The following UGT2B4 variants were observed in gnomAD, a reference collection of about 807,000 sequenced individuals.
UGT2B4 encodes UDP glucuronosyltransferase family 2 member B4.
A neutral mutation model predicts 49.8 loss-of-function variants in UGT2B4; 49 were observed. The ratio of observed to expected loss-of-function variants is 0.98; its 90% CI spans 0.78 to 1.25. UGT2B4 has a LOEUF of 1.25. Ranked by LOEUF, UGT2B4 falls within the 50% of genes most tolerant of loss-of-function variation. The probability of loss-of-function intolerance (pLI) is 0.00; values close to 1 mark genes in which losing one functional copy is unlikely to be tolerated. For synonymous variants in UGT2B4, 246 were observed against 217.7 expected (o/e 1.13, Z -1.14); for missense variants, 729 against 627.7 (o/e 1.16, Z -1.73).
At chr4:69,516,096 T>C (rs968844581) in intron 1 of UGT2B4, among the ~76,000 whole-genome samples, 2 of 152,198 alleles carry the variant, frequency 1.3e-5, no homozygotes, top group African/African-American at 4.8e-5. Context: ...AATGTGGTGT[T>C]TGGTTTTCTG....
At chr4:69,500,602 CAAGGAAGAAAGAAAGAAAGA>C (rs1278446883), upstream of UGT2B4, among the ~76,000 whole-genome samples, 33 of 47,296 alleles carry the variant, frequency 7.0e-4, no homozygotes, top group Non-Finnish European at 1.0e-3. Context: ...AGCAAGAAAG[CAAGGAAGAAAGAAAGAAAGA>C]AAGAAAGAAA....
rs540458100 is a variant in UGT2B4 at position 69,523,983 on chromosome 4, A to G, written c.-106+1704T>C. 2.0e-5 allele frequency among the ~76,000 whole-genome samples: 3 copies of G among 152,202 alleles called. No individual in the cohort carries two copies. In the East Asian group the frequency reaches 5.8e-4, roughly 30 times the overall value. On this transcript the variant is annotated intron_variant, in intron 1 of 1. Coordinates refer to the UGT2B4 transcript ENST00000510114. ...TGCTAGCTTCCAACTTTTTTTCTGC[A>G]GCTTCCTCAACATATTTCAGGCTTC... is the stretch of plus-strand genomic sequence containing the variant.
intron 1 of UGT2B4, among the ~76,000 whole-genome samples, chr4:69,509,330 G>A (rs752790315): frequency 4.0e-5 from 6 of 151,738 alleles, no homozygotes; most frequent in South Asian, 2.1e-4. Flanking sequence ...TGCCCCTACC[G>A]CCTGTCTAAT....
At chr4:69,498,229 C>A (rs2109817385), upstream of UGT2B4, among the ~76,000 whole-genome samples, 1 of 152,252 alleles carries the variant, frequency 6.6e-6, no homozygotes, top group South Asian at 2.1e-4. Context: ...AGCCTGGAAC[C>A]AAATCTGCAA....
intron 5 of UGT2B4, among the ~76,000 whole-genome samples, chr4:69,484,499 AC>A (rs201084033): frequency 0.01 from 1,590 of 152,318 alleles, 26 homozygotes; most frequent in African/African-American, 0.036. Flanking sequence ...CCATAAAAAA[AC>A]AACAAAAACT....
chr4:69,481,699 G>A (rs552609559), intron 5 of UGT2B4, among the ~76,000 whole-genome samples: 10 of 152,240 alleles, frequency 6.6e-5, no homozygotes, highest in South Asian at 2.1e-4. Context: ...TCCAGCAGGC[G>A]TATAAAATCA....
chr4:69,488,230 A>T (rs765761784), intron 3 of UGT2B4, among the ~76,000 whole-genome samples: 6 of 152,208 alleles, frequency 3.9e-5, no homozygotes, highest in Non-Finnish European at 7.3e-5. Context: ...ATAAAAATAC[A>T]ACTCTTGAAT....
At chr4:69,499,241 T>C (rs773798094), upstream of UGT2B4, among the ~76,000 whole-genome samples, 5 of 152,194 alleles carry the variant, frequency 3.3e-5, no homozygotes, top group Non-Finnish European at 5.9e-5. Context: ...CTTATTATGA[T>C]TTCAGTTATT....
upstream of UGT2B4, among the ~76,000 whole-genome samples, chr4:69,500,631 A>AAG (rs1577894351): frequency 7.3e-6 from 1 of 137,082 alleles, no homozygotes; most frequent in Non-Finnish European, 1.7e-5. Context: ...GAAAGAAAGA[A>AAG]AGAAAGAAAG....
chr4:69,516,056 C>T (rs1728724579), intron 1 of UGT2B4, among the ~76,000 whole-genome samples: 1 of 152,120 alleles, frequency 6.6e-6, no homozygotes, highest in African/African-American at 2.4e-5. Flanking sequence ...TGTGTCTTCT[C>T]ATCGTTCAGC....
At chr4:69,517,359 C>CTTAT (rs1302005280) in intron 1 of UGT2B4, among the ~76,000 whole-genome samples, 1 of 152,066 alleles carries the variant, frequency 6.6e-6, no homozygotes, top group African/African-American at 2.4e-5. Flanking sequence ...TGATGACCAT[C>CTTAT]TTATTTTAAT....
chr4:69,486,763 TAA>T, intron 3 of UGT2B4, 67 bp from the exon 4 acceptor site: 11 of 1,222,116 alleles, frequency 9.0e-6, no homozygotes, highest in Non-Finnish European at 1.3e-5. Flanking sequence ...GTTAGAAATC[TAA>T]AGAGATTAAC....
upstream of UGT2B4, among the ~76,000 whole-genome samples, chr4:69,498,080 A>C (rs1176324131): frequency 6.6e-6 from 1 of 152,230 alleles, no homozygotes; most frequent in Admixed American, 6.5e-5. Flanking sequence ...GTTTTTAATT[A>C]AGGTGTGTAC....
upstream of UGT2B4, chr4:69,496,099 C>A (rs1391952105): frequency 5.3e-6 from 2 of 376,658 alleles, no homozygotes; most frequent in Non-Finnish European, 8.7e-6. Flanking sequence ...GAGCTCACTG[C>A]AAGCTCCTCC....
chr4:69,493,090 A>T (rs1280965136), intron 2 of UGT2B4, among the ~76,000 whole-genome samples: 3 of 152,034 alleles, frequency 2.0e-5, no homozygotes, highest in Non-Finnish European at 4.4e-5. Context: ...TTCCTTGCAA[A>T]CTAAACTTTG....
chr4:69,483,512 T>C lies in UGT2B4; in HGVS notation c.1310+1696A>G, dbSNP rs1427628104. ...TAGATTTAATGGAAGTATCTGTATA[T>C]TCACATTTAAATCTACTACCTTATT... On this transcript the variant is annotated intron_variant, in intron 5 of 5. Coordinates refer to ENST00000305107, the MANE Select transcript of UGT2B4 (RefSeq NM_021139.3). Among the ~76,000 whole-genome samples the C allele has an allele frequency of 3.9e-5, 6 of 152,326 alleles. No individual in the cohort carries two copies. In the East Asian group the frequency reaches 5.8e-4, roughly 15 times the overall value.
At chr4:69,500,669 GGAAGGAAAGA>G (rs1560438463), upstream of UGT2B4, among the ~76,000 whole-genome samples, 5 of 107,012 alleles carry the variant, frequency 4.7e-5, no homozygotes, top group Non-Finnish European at 7.2e-5. Flanking sequence ...AAGAAAGAAA[GGAAGGAAAGA>G]AAAGAAAGCA....
chr4:69,482,367 C>T (rs192082199), intron 5 of UGT2B4, among the ~76,000 whole-genome samples: 9 of 152,302 alleles, frequency 5.9e-5, no homozygotes, highest in Non-Finnish European at 1.2e-4. Context: ...CATAAGTGTA[C>T]ATACGCTAAG....
chr4:69,501,300 T>G (rs1206229420), intron 1 of UGT2B4, among the ~76,000 whole-genome samples: 2 of 152,134 alleles, frequency 1.3e-5, no homozygotes, highest in African/African-American at 4.8e-5. Context: ...CTACCTAAAC[T>G]TGGCCAGACT....
Sources: allele counts gnomAD v4.1 joint callset (sites outside exome capture counted in the v4.1 genomes callset), GRCh38; gene constraint gnomAD v4.1.1; transcripts MANE v1.5; gene names NCBI Gene and HGNC (gene_info 2026-07-23, HGNC 2026-07-21).